Variants in RARB observed in about 807,000 individuals in gnomAD.
The protein encoded by RARB is retinoic acid receptor beta, also known as HBV-activated protein.
In RARB, 17 loss-of-function variants were observed where a neutral mutation model predicts 51.9. The observed-to-expected ratio is 0.33, with a 90% CI of 0.22 to 0.49. RARB has a LOEUF of 0.49. RARB is among the 20% of genes least tolerant of loss of function. The probability of loss-of-function intolerance (pLI) is 0.99; values close to 1 mark genes in which losing one functional copy is unlikely to be tolerated. For synonymous variants in RARB, 215 were observed against 195.4 expected, an observed-to-expected ratio of 1.10 and a Z score of -0.84; for missense variants, 369 against 550.8, an observed-to-expected ratio of 0.67 and a Z score of 3.30.
rs117794377 is a variant in RARB at position 25,174,987 on chromosome 3, T to G, written c.178+412T>G. ...GGTTGTGAGATCTTCTCTGAATCTTTTACTTGTTTCCTGTGTACAAATGAT... is the reference window on the plus strand; with the variant it reads ...GGTTGTGAGATCTTCTCTGAATCTTGTACTTGTTTCCTGTGTACAAATGAT... On this transcript the variant is annotated intron_variant, in intron 5 of 11. Transcript: ENST00000383772. Among the ~76,000 whole-genome samples the G allele has an allele frequency of 2.4e-3, 366 of 152,326 alleles. 2 individuals are homozygous for G. The highest frequency in any genetic ancestry group is 0.02 in the East Asian group (104 of 5,184).
At chr3:25,045,521 G>C (rs1698197444) in intron 2 of RARB, among the ~76,000 whole-genome samples, 1 of 152,132 alleles carries the variant, frequency 6.6e-6, no homozygotes, top group African/African-American at 2.4e-5. Flanking sequence ...TCATTGTTTG[G>C]GGCCTCTGTT....
intron 2 of RARB, among the ~76,000 whole-genome samples, chr3:24,883,156 C>A (rs1332193976): frequency 2.6e-5 from 4 of 152,110 alleles, no homozygotes; most frequent in Non-Finnish European, 5.9e-5. Flanking sequence ...TTTAAAAAAT[C>A]CCCTTTATTT....
intron 2 of RARB, chr3:25,024,973 AAAG>A (rs1426580348): frequency 6.7e-6 from 1 of 150,290 alleles, no homozygotes; most frequent in African/African-American, 2.4e-5. Context: ...AAAAAAAAAA[AAAG>A]GAAATTTAAA....
intron 3 of RARB, among the ~76,000 whole-genome samples, chr3:25,100,160 T>G (rs1487549861): frequency 6.6e-6 from 1 of 152,186 alleles, no homozygotes; most frequent in Non-Finnish European, 1.5e-5. Flanking sequence ...ACTTTAAATG[T>G]GGTGAAAATC....
chr3:24,991,443 C>A (rs1214406548), intron 2 of RARB, among the ~76,000 whole-genome samples: 20 of 138,784 alleles, frequency 1.4e-4, no homozygotes, highest in South Asian at 2.3e-4. Flanking sequence ...AACTCTGTCT[C>A]AAAAAAAAAA....
chr3:25,058,901 T>C (rs1213877759), intron 2 of RARB, among the ~76,000 whole-genome samples: 1 of 151,710 alleles, frequency 6.6e-6, no homozygotes, highest in Non-Finnish European at 1.5e-5. Flanking sequence ...ATAATTCTTA[T>C]GGTAATAAAA....
At chr3:25,195,583 T>C (rs186941646) in intron 5 of RARB, among the ~76,000 whole-genome samples, 11 of 152,148 alleles carry the variant, frequency 7.2e-5, no homozygotes, top group Non-Finnish European at 2.9e-5. Context: ...AGCATTTTCT[T>C]AGGACCTTAT....
In RARB at chr3:25,134,190, C is replaced by A. The variant is rs149311246; in HGVS notation, c.-280+1982C>A. Among the ~76,000 whole-genome samples the A allele has an allele frequency of 1.9e-3, 294 of 151,920 alleles. 1 individual carries two copies. Among genetic ancestry groups the A allele is most frequent in the African/African-American group, 5.6e-3 (231 of 41,466 alleles). Reference sequence around the variant, plus strand: ...TTGCTCTTAATGAAAATCATAAGATCTGGTAACATTTAACTGTTTTCTGAG... The same window carrying A: ...TTGCTCTTAATGAAAATCATAAGATATGGTAACATTTAACTGTTTTCTGAG... On this transcript the variant is annotated intron_variant, in intron 4 of 11. Transcript: ENST00000383772.
chr3:25,389,449 A>G (rs1425127283), intron 5 of RARB, among the ~76,000 whole-genome samples: 1 of 152,186 alleles, frequency 6.6e-6, no homozygotes, highest in Non-Finnish European at 1.5e-5. Context: ...AATGTCTCTC[A>G]AGTCTCAATT....
intron 3 of RARB, among the ~76,000 whole-genome samples, chr3:25,513,219 G>A (rs1244661327): frequency 4.6e-5 from 7 of 151,854 alleles, no homozygotes; most frequent in Admixed American, 6.6e-5. Flanking sequence ...CCTGGGAGGC[G>A]GAGGTTGCAG....
intron 4 of RARB, among the ~76,000 whole-genome samples, chr3:25,169,964 G>A (rs2125350883): frequency 6.8e-6 from 1 of 147,468 alleles, no homozygotes; most frequent in East Asian, 2.0e-4. Context: ...CGCCAGCCTG[G>A]GTGACAGAGC....
At chr3:25,230,655 A>G (rs1322585352) in intron 5 of RARB, among the ~76,000 whole-genome samples, 1 of 152,006 alleles carries the variant, frequency 6.6e-6, no homozygotes, top group African/African-American at 2.4e-5. Context: ...ATCTTCCCAG[A>G]TAGGAAATAT....
chr3:25,147,218 G>C (rs1456952103), intron 4 of RARB, among the ~76,000 whole-genome samples: 1 of 152,080 alleles, frequency 6.6e-6, no homozygotes. Flanking sequence ...AAGCACTCTA[G>C]GTGATTATCT....
intron 2 of RARB, among the ~76,000 whole-genome samples, chr3:24,870,408 A>G (rs775990676): frequency 5.3e-5 from 8 of 151,998 alleles, no homozygotes; most frequent in Non-Finnish European, 1.0e-4. Context: ...AACTTATCTC[A>G]CTAATAGTGT....
intron 3 of RARB, among the ~76,000 whole-genome samples, chr3:25,116,470 G>A (rs750539153): frequency 1.3e-5 from 2 of 151,964 alleles, no homozygotes; most frequent in Non-Finnish European, 2.9e-5. Context: ...ATAAAGGAAA[G>A]CCAGGATACC....
intron 3 of RARB, among the ~76,000 whole-genome samples, chr3:25,110,799 C>G (rs1699588757): frequency 6.6e-6 from 1 of 152,042 alleles, no homozygotes; most frequent in African/African-American, 2.4e-5. Flanking sequence ...CTTAATTACC[C>G]CACTCAAATT....
In RARB at chr3:25,557,410, C is replaced by T. The variant is rs574207946; in HGVS notation, c.449-12348C>T. Among the ~76,000 whole-genome samples, 230 of 152,292 alleles carry T rather than the reference C, an allele frequency of 1.5e-3. 1 individual carries two copies. Among genetic ancestry groups the T allele is most frequent in the Non-Finnish European group, 2.3e-3 (159 of 68,014 alleles). On this transcript the variant is annotated intron_variant, in intron 3 of 7. Coordinates refer to ENST00000330688, the MANE Select transcript of RARB (RefSeq NM_000965.5). Reference sequence around the variant, plus strand: ...AATCATAAATGGGCTTTTCCCAAGGCTCTCTCCGCAGCCTATCACTTCTCT... The same window carrying T: ...AATCATAAATGGGCTTTTCCCAAGGTTCTCTCCGCAGCCTATCACTTCTCT...
At chr3:25,109,839 C>T (rs953627738) in intron 3 of RARB, among the ~76,000 whole-genome samples, 1 of 152,182 alleles carries the variant, frequency 6.6e-6, no homozygotes, top group Non-Finnish European at 1.5e-5. Context: ...GAAACAGCCT[C>T]AGAGCTACCA....
chr3:25,169,343 A>G (rs1224695398), intron 4 of RARB, among the ~76,000 whole-genome samples: 2 of 152,220 alleles, frequency 1.3e-5, no homozygotes, highest in Non-Finnish European at 2.9e-5. Context: ...TCAGCCCTGG[A>G]GCAGGAGGAA....
Sources: gnomAD v4.1 joint callset for allele counts (sites outside exome capture counted in the v4.1 genomes callset) on GRCh38, gnomAD v4.1.1 for gene constraint, MANE v1.5 for transcripts, NCBI Gene and HGNC (gene_info 2026-07-23, HGNC 2026-07-21) for gene names.